The following ADCY1 variants were observed in gnomAD, a reference collection of about 807,000 sequenced individuals.
ADCY1 encodes adenylate cyclase 1, also known as adenylate cyclase type 1.
In ADCY1, 28 loss-of-function variants were observed where a neutral mutation model predicts 105.4. That is an observed-to-expected ratio of 0.27 (90% CI 0.20 to 0.36). The LOEUF (loss-of-function observed/expected upper bound fraction) is 0.36. Ranked by LOEUF, ADCY1 falls within the 10% of genes least tolerant of loss-of-function variation. ADCY1 has a pLI of 1.00. For synonymous variants in ADCY1, 655 were observed against 623.8 expected (o/e 1.05, Z -0.75); for missense variants, 977 against 1,434.2 (o/e 0.68, Z 5.15).
chr7:45,709,917 G>A (rs111337449), intron 18 of ADCY1, among the ~76,000 whole-genome samples: 13 of 152,300 alleles, frequency 8.5e-5, no homozygotes, highest in South Asian at 6.2e-4. Context: ...ACTCAAGTTC[G>A]GGTGTGCCTG....
At position 45,625,359 on chromosome 7, in the gene ADCY1, G is replaced by A. The variant is rs1198116353; in HGVS notation, c.1020+2616G>A. Among the ~76,000 whole-genome samples, 9 of 152,224 alleles carry A rather than the reference G, an allele frequency of 5.9e-5. No individual in the cohort carries two copies. The South Asian group carries it at 1.4e-3, about 24-fold the overall frequency. On this transcript the variant is annotated intron_variant, in intron 4 of 19. Transcript: ENST00000297323. ...CTTTTATCAAGAAGAATGCACACACGCATCAGAGAGTGGGTGACGTACGTG... is the reference window on the plus strand; with the variant it reads ...CTTTTATCAAGAAGAATGCACACACACATCAGAGAGTGGGTGACGTACGTG...
At chr7:45,711,607 G>C (rs909834858) in intron 19 of ADCY1, among the ~76,000 whole-genome samples, 6 of 70,806 alleles carry the variant, frequency 8.5e-5, no homozygotes, top group African/African-American at 3.0e-4. Context: ...ACTTCGTGCT[G>C]TATATATATA....
chr7:45,591,309 C>T lies in ADCY1; in HGVS notation c.640-1450C>T, dbSNP rs1013726193. 6.6e-6 allele frequency among the ~76,000 whole-genome samples: 1 copy of T among 152,244 alleles called. No homozygotes were observed. Among genetic ancestry groups the T allele is most frequent in the Non-Finnish European group, 1.5e-5 (1 of 68,046 alleles). ...TCCTAGAGCCGTCTGGGGGCCCCATCCTGCTGCCTGTAGCTTGGCCCGATC... is the reference window on the plus strand; with the variant it reads ...TCCTAGAGCCGTCTGGGGGCCCCATTCTGCTGCCTGTAGCTTGGCCCGATC... On this transcript the variant is annotated intron_variant, in intron 1 of 19. Transcript: ENST00000297323. This position sits in a 1 kb window ranked among gnomAD's most constrained non-coding sequence, Gnocchi z 4.1.
chr7:45,633,430 A>C (rs1794313591), intron 4 of ADCY1, among the ~76,000 whole-genome samples: 1 of 152,260 alleles, frequency 6.6e-6, no homozygotes, highest in Non-Finnish European at 1.5e-5. Context: ...GAAAACATTA[A>C]GAAAAGTTTG....
chr7:45,693,488 A>G (rs1299258284), intron 14 of ADCY1, among the ~76,000 whole-genome samples: 1 of 145,312 alleles, frequency 6.9e-6, no homozygotes, highest in Non-Finnish European at 1.5e-5. Flanking sequence ...TTGGTAAACT[A>G]TTGATTATTG....
At chr7:45,610,205 G>A (rs577330086) in intron 2 of ADCY1, among the ~76,000 whole-genome samples, 174 bp from the exon 3 acceptor site, 115 of 152,340 alleles carry the variant, frequency 7.5e-4, no homozygotes, top group Non-Finnish European at 6.8e-4. Context: ...TGGGGAGGCT[G>A]TGCCAGCCCT....
At chr7:45,664,496 C>G (rs553476574) in intron 8 of ADCY1, 1 of 1,425,398 alleles carries the variant, frequency 7.0e-7, no homozygotes, top group Non-Finnish European at 9.2e-7. Context: ...CTCTCCTGAT[C>G]GTAAACATAA....
intron 14 of ADCY1, among the ~76,000 whole-genome samples, chr7:45,694,123 A>T (rs1293739971): frequency 2.0e-5 from 3 of 150,326 alleles, no homozygotes; most frequent in Non-Finnish European, 4.5e-5. Flanking sequence ...AATAAAAAAA[A>T]AAAAAAAAAA....
intron 8 of ADCY1, among the ~76,000 whole-genome samples, chr7:45,675,687 C>T (rs572241784): frequency 6.6e-6 from 1 of 151,986 alleles, no homozygotes; most frequent in Admixed American, 6.5e-5. Flanking sequence ...CCACTTTTTT[C>T]TGGCTTCCAT....
chr7:45,610,491 A>G lies in ADCY1; in HGVS notation c.902A>G (p.Asn301Ser), dbSNP rs1456251453. The G allele has an allele frequency of 3.1e-6, 5 of 1,613,284 alleles. No individual in the cohort carries two copies. Among genetic ancestry groups the G allele is most frequent in the South Asian group, 1.1e-5 (1 of 91,070 alleles). Reference protein sequence around the residue: ...FHKIYIQRHDNVSILFADIVG... With the variant: ...FHKIYIQRHDSVSILFADIVG... ...AAGATTTACATCCAGAGGCACGACA[A>G]TGTGAGGTAGGGCTGGTGCTGACCC... The change falls in exon 3 of 20, where the codon AAT (asparagine) becomes AGT (serine). Residue 301 changes from asparagine to serine, a missense_variant. Physicochemically the swap from Asn to Ser is conservative, Grantham distance 46. Around this residue, in one of 7 missense-constraint regions of ADCY1, gnomAD observed 196 missense variants for 347.8 expected, o/e 0.56. Coordinates refer to ENST00000297323, the MANE Select transcript of ADCY1 (RefSeq NM_021116.4).
intron 4 of ADCY1, among the ~76,000 whole-genome samples, chr7:45,624,999 T>C (rs1317167054): frequency 6.6e-6 from 1 of 152,234 alleles, no homozygotes; most frequent in African/African-American, 2.4e-5. Context: ...CCTGTGGCTC[T>C]AGTTCTCTTA....
intron 8 of ADCY1, among the ~76,000 whole-genome samples, chr7:45,669,417 A>C (rs1784323103): frequency 6.6e-6 from 1 of 152,164 alleles, no homozygotes; most frequent in South Asian, 2.1e-4. Flanking sequence ...CAGGTTGTTC[A>C]GTTTCCATGT....
At chr7:45,613,323 C>T (rs559420440) in intron 3 of ADCY1, among the ~76,000 whole-genome samples, 3 of 152,050 alleles carry the variant, frequency 2.0e-5, no homozygotes, top group East Asian at 3.9e-4. Flanking sequence ...CAACAGAAGA[C>T]TAGATCAAGC....
chr7:45,664,493 G>A, intron 8 of ADCY1: 1 of 1,433,460 alleles, frequency 7.0e-7, no homozygotes, highest in Non-Finnish European at 9.2e-7. Context: ...ACTCTCTCCT[G>A]ATCGTAAACA....
chr7:45,612,172 TG>T (rs1281075691), intron 3 of ADCY1, among the ~76,000 whole-genome samples: 1 of 152,164 alleles, frequency 6.6e-6, no homozygotes, highest in African/African-American at 2.4e-5. Context: ...TTAAGCAATG[TG>T]GGGTGAAGGC....
chr7:45,708,190 T>A lies in ADCY1; in HGVS notation c.2818-160T>A, dbSNP rs1562734002. Among the ~76,000 whole-genome samples the A allele has an allele frequency of 6.6e-6, 1 of 152,234 alleles. No individual in the cohort carries two copies. Among genetic ancestry groups the A allele is most frequent in the Non-Finnish European group, 1.5e-5 (1 of 68,034 alleles). On this transcript the variant is annotated intron_variant, in intron 17 of 19. Transcript: ENST00000297323. The surrounding 1 kb of genome is among the most constrained non-coding windows in gnomAD (Gnocchi z 4.7). ...GCTTGGCCAATACCCTGCCTCTCTC[T>A]TAGTCTCCTACCTGTAGAATGGAAT...
At chr7:45,610,827 AT>A (rs1793542467) in intron 3 of ADCY1, among the ~76,000 whole-genome samples, 9 of 18,972 alleles carry the variant, frequency 4.7e-4, no homozygotes, top group East Asian at 1.5e-3. Context: ...TATGGAGGTG[AT>A]AGTGGAGGTG....
intron 11 of ADCY1, among the ~76,000 whole-genome samples, chr7:45,681,912 G>A (rs571023035): frequency 1.3e-5 from 2 of 152,318 alleles, no homozygotes; most frequent in East Asian, 1.9e-4. Flanking sequence ...GACATTGACA[G>A]TGTCCAGAGC....
Position 45,679,879 on chromosome 7 carries a change from G to C in ADCY1, c.1983+86G>C, listed in dbSNP as rs1291656390. The C allele has an allele frequency of 2.0e-6, 3 of 1,485,820 alleles. No individual in the cohort carries two copies. In the East Asian group the frequency reaches 6.8e-5, roughly 34 times the overall value. The allele number at this position is 1,485,820 out of a possible 1,614,324, so 92.0% of individuals were successfully genotyped here. A position where few individuals can be genotyped will look rare whatever the true frequency, so the allele number is the denominator to read the frequency against. ...TGTATCCTGCACCTGCATATCACCTGGTCCAGGTATGAGGGTGGCCTGTGT... is the reference window on the plus strand; with the variant it reads ...TGTATCCTGCACCTGCATATCACCTCGTCCAGGTATGAGGGTGGCCTGTGT... On this transcript the variant is annotated intron_variant, in intron 11 of 19. Transcript: ENST00000297323.
Sources: gnomAD v4.1 joint callset for allele counts (sites outside exome capture counted in the v4.1 genomes callset) on GRCh38, gnomAD v4.1.1 for gene constraint, gnomAD v4.1.1 regional missense constraint, Gnocchi (gnomAD v3.1) non-coding constraint, MANE v1.5 for transcripts, NCBI Gene and HGNC (gene_info 2026-07-23, HGNC 2026-07-21) for gene names.